SNX2: variants seen among roughly 807,000 people sequenced by gnomAD.
The protein encoded by SNX2 is sorting nexin-2.
A neutral mutation model predicts 69.9 loss-of-function variants in SNX2; 25 were observed. The observed-to-expected ratio is 0.36, with a 90% CI of 0.26 to 0.50. The LOEUF is 0.50. Ranked by LOEUF, SNX2 falls within the 20% of genes least tolerant of loss-of-function variation. The pLI is 0.97. For synonymous variants in SNX2, 229 were observed against 200.4 expected, an observed-to-expected ratio of 1.14 and a Z score of -1.20; for missense variants, 551 against 613.3, an observed-to-expected ratio of 0.90 and a Z score of 1.07.
At chr5:122,807,333 A>T (rs1753681712) in intron 6 of SNX2, among the ~76,000 whole-genome samples, 1 of 152,180 alleles carries the variant, frequency 6.6e-6, no homozygotes, top group Non-Finnish European at 1.5e-5. Context: ...ACATTACCAC[A>T]GTCAATTTTA....
intron 1 of SNX2, among the ~76,000 whole-genome samples, chr5:122,777,672 G>A (rs1282154145): frequency 6.6e-6 from 1 of 152,142 alleles, no homozygotes; most frequent in Non-Finnish European, 1.5e-5. Context: ...TACTATATCT[G>A]TACACTTATG....
At chr5:122,791,785 A>C (rs113992705) in intron 1 of SNX2, among the ~76,000 whole-genome samples, 9 of 152,366 alleles carry the variant, frequency 5.9e-5, no homozygotes, top group Admixed American at 2.6e-4. Flanking sequence ...CATATCCATC[A>C]TTATTTTCTT....
chr5:122,814,007 C>G (rs890348051), intron 7 of SNX2, among the ~76,000 whole-genome samples: 1 of 152,022 alleles, frequency 6.6e-6, no homozygotes, highest in Non-Finnish European at 1.5e-5. Flanking sequence ...CTCCTGACCT[C>G]GTGATCTGCC....
rs1429244160 is a variant in SNX2 at position 122,778,113 on chromosome 5, G to T, written c.108+2902G>T. ...CCTGGCTTATTTTACTTAACATAAT[G>T]TCCTCCAAGCTCATCCATGTTGTTG... On this transcript the variant is annotated intron_variant, in intron 1 of 14. Coordinates refer to ENST00000379516, the MANE Select transcript of SNX2 (RefSeq NM_003100.4). Among the ~76,000 whole-genome samples, 3 of 152,278 alleles carry T rather than the reference G, an allele frequency of 2.0e-5. No individual in the cohort carries two copies. In the East Asian group the frequency reaches 5.8e-4, roughly 29 times the overall value.
chr5:122,796,155 C>T (rs1217395395), intron 2 of SNX2, among the ~76,000 whole-genome samples: 1 of 152,120 alleles, frequency 6.6e-6, no homozygotes, highest in Non-Finnish European at 1.5e-5. Flanking sequence ...GTTGGGACTT[C>T]ACATTAATCT....
chr5:122,790,033 G>C (rs1753193325), intron 1 of SNX2, among the ~76,000 whole-genome samples: 1 of 152,220 alleles, frequency 6.6e-6, no homozygotes, highest in Non-Finnish European at 1.5e-5. Flanking sequence ...GAGCAGCTTA[G>C]CTAGCTAGGT....
chr5:122,833,585 A>G lies in SNX2; in HGVS notation c.*3937A>G, dbSNP rs932818767. 6.6e-6 allele frequency: 1 copy of G among 152,206 alleles called. No individual in the cohort carries two copies. Among genetic ancestry groups the G allele is most frequent in the Non-Finnish European group, 1.5e-5 (1 of 68,026 alleles). The allele number at this position is 152,206 out of a possible 1,614,324, so 9.4% of individuals were successfully genotyped here. ...ACCGGCTACAATTTGATCAGTTGTC[A>G]CATGTGGATGACTAGTGGCTATGAT... On this transcript the variant is annotated 3_prime_UTR_variant, in exon 15 of 15. Transcript: ENST00000379516.
At chr5:122,806,142 G>GCGCACGCGCGCACA in intron 6 of SNX2, among the ~76,000 whole-genome samples, 40 of 130,656 alleles carry the variant, frequency 3.1e-4, no homozygotes, top group African/African-American at 1.1e-3. Context: ...ACACGCGCGC[G>GCGCACGCGCGCACA]CACACACACA....
intron 14 of SNX2, chr5:122,827,902 C>T: frequency 2.8e-6 from 1 of 354,314 alleles, no homozygotes; most frequent in South Asian, 6.7e-5. Flanking sequence ...ACCTCATGGG[C>T]AACTTTCCCC....
intron 1 of SNX2, among the ~76,000 whole-genome samples, chr5:122,787,520 C>T (rs556613601): frequency 6.6e-6 from 1 of 151,384 alleles, no homozygotes; most frequent in Non-Finnish European, 1.5e-5. Flanking sequence ...ACTGTCCCCC[C>T]CCAAAAAAAA....
In SNX2 at chr5:122,832,492, T is replaced by G. The variant is rs1754315900; in HGVS notation, c.*2844T>G. On this transcript the variant is annotated 3_prime_UTR_variant, in exon 15 of 15. Coordinates refer to ENST00000379516, the MANE Select transcript of SNX2 (RefSeq NM_003100.4). ...AAGTATTCAGCTTTATACTAATATA[T>G]TAATCTCAAAATACCTTTGTTTCAT... 1 of 152,206 alleles carries G rather than the reference T, an allele frequency of 6.6e-6. No individual in the cohort carries two copies. The highest frequency in any genetic ancestry group is 1.5e-5 in the Non-Finnish European group (1 of 68,030). The allele number at this position is 152,206 out of a possible 1,614,324, so 9.4% of individuals were successfully genotyped here. A position where few individuals can be genotyped will look rare whatever the true frequency, so the allele number is the denominator to read the frequency against.
chr5:122,815,800 CA>C, intron 7 of SNX2, 95 bp from the exon 8 acceptor site: 1 of 577,994 alleles, frequency 1.7e-6, no homozygotes, highest in Middle Eastern at 4.5e-4. Flanking sequence ...GTAGTGAGGA[CA>C]CTTTTTTTTC....
chr5:122,814,538 C>A (rs1753857326), intron 7 of SNX2, among the ~76,000 whole-genome samples: 1 of 152,022 alleles, frequency 6.6e-6, no homozygotes, highest in South Asian at 2.1e-4. Flanking sequence ...ATAAAATAGT[C>A]ATTTTTATCA....
chr5:122,818,670 C>T (rs377086382), intron 10 of SNX2, 148 bp from the exon 11 acceptor site: 27 of 643,282 alleles, frequency 4.2e-5, no homozygotes, highest in South Asian at 6.9e-5. Context: ...GGCATTTTAA[C>T]GACTAATTGT....
chr5:122,801,208 A>T (rs1313663397), intron 3 of SNX2, among the ~76,000 whole-genome samples: 1 of 152,130 alleles, frequency 6.6e-6, no homozygotes, highest in East Asian at 1.9e-4. Flanking sequence ...TAAGGAGGTA[A>T]TTTTTTAATA....
rs779971893 is a variant in SNX2, at chr5:122,795,332, C to G, written c.175C>G (p.Pro59Ala). 1 of 1,613,790 alleles carries G rather than the reference C, an allele frequency of 6.2e-7. No homozygotes were observed. Among genetic ancestry groups the G allele is most frequent in the South Asian group, 1.1e-5 (1 of 91,062 alleles). Residue 59 changes from proline (P) to alanine (A), a missense_variant, in exon 2 of 15, where the codon CCA becomes GCA. By Grantham distance (27) the Pro-to-Ala change is conservative. This residue lies in a region of SNX2 where 191 missense variants were observed against 162.9 expected (regional missense o/e 1.17). Transcript: ENST00000379516. ...AGATATTAGTGCAAACTCCAATGGC[C>G]CAAAACCCACAGAAGTTGTATTAGA... The part of the protein sequence containing the change: ...AEDISANSNG[P>A]KPTEVVLDDD...
At chr5:122,775,073 C>T (rs527273952), upstream of SNX2, 3 of 1,560,024 alleles carry the variant, frequency 1.9e-6, no homozygotes, top group South Asian at 1.2e-5. Flanking sequence ...TCCGCGAGGC[C>T]CAGCTCGCGC....
At chr5:122,797,774 A>C (rs772608578) in intron 2 of SNX2, among the ~76,000 whole-genome samples, 1 of 152,220 alleles carries the variant, frequency 6.6e-6, no homozygotes, top group East Asian at 1.9e-4. Flanking sequence ...CCTATGAAGC[A>C]TCTTCCTGAA....
rs1303133636 is a variant in SNX2, at chr5:122,834,270, G to A, written c.*4622G>A. The A allele has an allele frequency of 5.9e-5, 9 of 152,230 alleles. No individual in the cohort carries two copies. The highest frequency in any genetic ancestry group is 5.9e-5 in the Non-Finnish European group (4 of 67,978). The allele number at this position is 152,230 out of a possible 1,614,324, so 9.4% of individuals were successfully genotyped here. On this transcript the variant is annotated 3_prime_UTR_variant, in exon 15 of 15. Coordinates refer to ENST00000379516, the MANE Select transcript of SNX2 (RefSeq NM_003100.4). ...GTAGTTTACTATCTAGTTTTTTAAT[G>A]CACATGAAGTAATTTAAAATGCTCT...
Sources: gnomAD v4.1 joint callset for allele counts (sites outside exome capture counted in the v4.1 genomes callset) on GRCh38, gnomAD v4.1.1 for gene constraint, gnomAD v4.1.1 regional missense constraint, MANE v1.5 for transcripts, NCBI Gene and HGNC (gene_info 2026-07-23, HGNC 2026-07-21) for gene names.